The following UBA2 variants were observed in gnomAD, a reference collection of about 807,000 sequenced individuals.
UBA2 encodes ubiquitin like modifier activating enzyme 2.
In UBA2, 11 loss-of-function variants were observed where a neutral mutation model predicts 77.2. The ratio of observed to expected loss-of-function variants is 0.14; its 90% CI spans 0.09 to 0.24. The LOEUF (loss-of-function observed/expected upper bound fraction) is 0.24, where lower values mean the gene tolerates loss of function less well. Ranked by LOEUF, UBA2 falls within the 10% of genes least tolerant of loss-of-function variation. The pLI is 1.00. For missense variants in UBA2, 487 were observed against 781.7 expected (o/e 0.62, Z 4.50); for synonymous variants, 278 against 276.7 (o/e 1.00, Z -0.05).
Position 34,454,321 on chromosome 19 carries a change from G to A in UBA2, c.1100G>A (p.Ser367Asn). 1 of 1,613,196 alleles carries A rather than the reference G, an allele frequency of 6.2e-7. No individual in the cohort carries two copies. The change falls in exon 11 of 17, where the codon AGT (serine) becomes AAT (asparagine). Residue 367 changes from serine to asparagine, a missense_variant. Ser to Asn is a conservative substitution (Grantham distance 46). Transcript: ENST00000246548. ...SAANLRMHIF[S>N]MNMKSRFDIK... ...GCAAACCTCAGGATGCATATTTTCA[G>A]TATGAATATGAAGAGTAGATTTGAT...
At chr19:34,435,112 G>C in intron 5 of UBA2, 144 bp downstream of exon 5, 1 of 613,554 alleles carries the variant, frequency 1.6e-6, no homozygotes, top group Non-Finnish European at 2.8e-6. Context: ...AACTTAAAAT[G>C]CGGGGCCAGG....
At chr19:34,438,376 G>C (rs1024608643) in intron 5 of UBA2, among the ~76,000 whole-genome samples, 6 of 152,306 alleles carry the variant, frequency 3.9e-5, no homozygotes, top group Admixed American at 6.5e-5. Flanking sequence ...TTGACACTCA[G>C]GTGTAGTAAT....
chr19:34,428,612 CG>C (rs2075213770), intron 1 of UBA2, 42 bp downstream of exon 1: 4 of 934,058 alleles, frequency 4.3e-6, no homozygotes, highest in African/African-American at 3.8e-5. Context: ...GGCTGTGGTG[CG>C]GGGGCTGGGA....
At position 34,438,743 on chromosome 19, in the gene UBA2, C is replaced by T. The variant is rs150396555; in HGVS notation, c.558C>T (p.Ile186=). The change falls in exon 6 of 17, where the codon ATC becomes ATT. Residue 186 remains isoleucine (I), a synonymous_variant. Coordinates refer to ENST00000246548, the MANE Select transcript of UBA2 (RefSeq NM_005499.3). ...CACCTTCAGAACCTATACATTGCAT[C>T]GTTTGGGCAAAGTACTTGTTCAAGT... ...RNTPSEPIHC[I]VWAKYLFNQL... The T allele has an allele frequency of 1.3e-3, 2,061 of 1,613,882 alleles. 5 individuals are homozygous for T. Among genetic ancestry groups the T allele is most frequent in the Non-Finnish European group, 1.7e-3 (1,952 of 1,179,962 alleles).
chr19:34,454,603 C>G (rs897749478), intron 12 of UBA2, 47 bp downstream of exon 12: 1 of 980,532 alleles, frequency 1.0e-6, no homozygotes, highest in Non-Finnish European at 1.5e-6. Context: ...TTAAAAAAAT[C>G]ATTAATTAAA....
rs78898896 is a variant in UBA2, at chr19:34,460,451, C to CT, written c.1402-5dup. The CT allele has an allele frequency of 0.095, 114,248 of 1,197,456 alleles. 4 individuals carry two copies. Among genetic ancestry groups the CT allele is most frequent in the Non-Finnish European group, 0.1 (87,685 of 860,928 alleles). The allele number at this position is 1,197,456 out of a possible 1,614,324, so 74.2% of individuals were successfully genotyped here. A position where few individuals can be genotyped will look rare whatever the true frequency, so the allele number is the denominator to read the frequency against. On this transcript the variant is annotated intron_variant, in intron 13 of 16. Coordinates refer to ENST00000246548, the MANE Select transcript of UBA2 (RefSeq NM_005499.3). ...ATTACCTACGTTAATATTTTGAATC[C>CT]TTTTTTTTTTTTTTGTAGATAGTGA...
At chr19:34,430,297 G>T in intron 1 of UBA2, 1 of 305,484 alleles carries the variant, frequency 3.3e-6, no homozygotes, top group Non-Finnish European at 6.1e-6. Context: ...ATGGCATCCA[G>T]GGAGTTTCCT....
intron 3 of UBA2, among the ~76,000 whole-genome samples, chr19:34,433,086 T>G (rs1036681805): frequency 7.2e-5 from 11 of 152,188 alleles, no homozygotes; most frequent in African/African-American, 2.4e-4. Flanking sequence ...GTGGGACTAG[T>G]GAAGTCATGC....
rs780222517 is a variant in UBA2 at position 34,454,365 on chromosome 19, G to A, written c.1132+12G>A. The A allele has an allele frequency of 1.2e-6, 2 of 1,602,888 alleles. No homozygotes were observed. The highest frequency in any genetic ancestry group is 8.5e-7 in the Non-Finnish European group (1 of 1,174,212). ...ATTTGATATCAAATGTAAGTTATTT[G>A]TACTAAAGTTGTATCACTAAAACCT... On this transcript the variant is annotated intron_variant, in intron 11 of 16. Transcript: ENST00000246548.
At chr19:34,444,026 A>T in intron 7 of UBA2, 115 bp downstream of exon 7, 1 of 387,822 alleles carries the variant, frequency 2.6e-6, no homozygotes, top group Non-Finnish European at 4.7e-6. Flanking sequence ...ATGTGTGTTT[A>T]ACATGTGTTT....
chr19:34,459,781 A>C (rs986581996), intron 13 of UBA2, among the ~76,000 whole-genome samples: 4 of 152,186 alleles, frequency 2.6e-5, no homozygotes, highest in African/African-American at 9.7e-5. Context: ...CTCAAATAGC[A>C]GTGCTGCCTG....
intron 8 of UBA2, among the ~76,000 whole-genome samples, chr19:34,448,116 G>T (rs1259133278): frequency 6.6e-6 from 1 of 152,116 alleles, no homozygotes. Flanking sequence ...CACTATAAGG[G>T]GATAGAGGGG....
chr19:34,443,738 C>A, intron 6 of UBA2, 106 bp from the exon 7 acceptor site: 1 of 801,566 alleles, frequency 1.2e-6, no homozygotes, highest in Non-Finnish European at 2.1e-6. Context: ...CTGCGCCCAG[C>A]CAGTTGTTCA....
chr19:34,461,164 T>G (rs1413765047), intron 14 of UBA2, among the ~76,000 whole-genome samples: 1 of 152,204 alleles, frequency 6.6e-6, no homozygotes, highest in Non-Finnish European at 1.5e-5. Flanking sequence ...GCAGCTCATT[T>G]CTTGAGTTGC....
At chr19:34,433,993 G>T (rs2075283318) in intron 4 of UBA2, among the ~76,000 whole-genome samples, 1 of 152,088 alleles carries the variant, frequency 6.6e-6, no homozygotes, top group Non-Finnish European at 1.5e-5. Context: ...GGTGGGGTGG[G>T]GGATGCTTGA....
At chr19:34,435,408 C>A (rs963048951) in intron 5 of UBA2, among the ~76,000 whole-genome samples, 2 of 152,246 alleles carry the variant, frequency 1.3e-5, no homozygotes, top group Non-Finnish European at 2.9e-5. Flanking sequence ...AAAAAACAAA[C>A]TTAAAATGCT....
chr19:34,434,937 G>A lies in UBA2; in HGVS notation c.428G>A (p.Gly143Glu). ...CCTCTTATTGAAAGTGGAACAGCTG[G>A]GTATCTTGGACAAGTAACTACTATC... ...DVPLIESGTA[G>E]YLGQVTTIKK... Residue 143 changes from glycine to glutamate, a missense_variant, in exon 5 of 17, where the codon GGG (glycine) becomes GAG (glutamate). This residue lies in a region of UBA2 where 66 missense variants were observed against 112.0 expected (regional missense o/e 0.59). Coordinates refer to ENST00000246548, the MANE Select transcript of UBA2 (RefSeq NM_005499.3). 6.2e-7 allele frequency: 1 copy of A among 1,608,840 alleles called. No individual in the cohort carries two copies. Among genetic ancestry groups the A allele is most frequent in the Non-Finnish European group, 8.5e-7 (1 of 1,177,750 alleles).
chr19:34,443,719 T>C (rs1248747549), intron 6 of UBA2, 125 bp from the exon 7 acceptor site: 7 of 665,272 alleles, frequency 1.1e-5, no homozygotes, highest in South Asian at 7.1e-5. Flanking sequence ...GGATTAAAGG[T>C]GTGAGCCACT....
intron 10 of UBA2, among the ~76,000 whole-genome samples, chr19:34,453,177 T>A (rs898862687): frequency 6.6e-6 from 1 of 152,164 alleles, no homozygotes; most frequent in African/African-American, 2.4e-5. Context: ...TTTAATAGAT[T>A]AAGAGATTTT....
Sources: allele counts gnomAD v4.1 joint callset (sites outside exome capture counted in the v4.1 genomes callset), GRCh38; gene constraint gnomAD v4.1.1; regional missense constraint gnomAD v4.1.1; transcripts MANE v1.5; gene names NCBI Gene and HGNC (gene_info 2026-07-23, HGNC 2026-07-21).